Variants in TEX11 observed in about 807,000 individuals in gnomAD.
The protein encoded by TEX11 is testis-expressed protein 11.
TEX11 carries 7 observed loss-of-function variants against 84.4 expected under a neutral mutation model. That is an observed-to-expected ratio of 0.08 (90% CI 0.05 to 0.16). The LOEUF is 0.16. Ranked by LOEUF, TEX11 falls within the 10% of genes least tolerant of loss-of-function variation. The pLI, the probability that TEX11 is intolerant of heterozygous loss-of-function variation, is 1.00. For synonymous variants in TEX11, 264 were observed against 222.8 expected, an observed-to-expected ratio of 1.18 and a Z score of -1.64; for missense variants, 551 against 660.5, an observed-to-expected ratio of 0.83 and a Z score of 1.82.
At chrX:70,694,860 C>T (rs1191261356) in intron 13 of TEX11, among the ~76,000 whole-genome samples, 2 of 111,045 alleles carry the variant, frequency 1.8e-5, no homozygotes, top group Admixed American at 1.9e-4. Context: ...GAGGCAAAAC[C>T]CAAGTGATAT....
Position 70,529,943 on chromosome X carries a change from T to C in TEX11, c.2577A>G (p.Gly859=), listed in dbSNP as rs780093583. ...LWLMVKSWNT[G]VLMFSRSKYA... ...ACTTGCTCCTGCTAAACATAAGTAC[T>C]CCGGTATTCCAGGACTTGACCATCA... Residue 859 remains glycine, a synonymous_variant, in exon 29 of 30, where the codon GGA becomes GGG. Transcript: ENST00000374333. 2 of 1,211,367 alleles carry C rather than the reference T, an allele frequency of 1.7e-6. No homozygotes were observed. The highest frequency in any genetic ancestry group is 4.3e-5 in the Admixed American group (2 of 46,012).
intron 11 of TEX11, among the ~76,000 whole-genome samples, chrX:70,726,877 A>T (rs1177297262): frequency 9.3e-6 from 1 of 107,427 alleles, no homozygotes; most frequent in Non-Finnish European, 1.9e-5. Flanking sequence ...TCTGTCTCCC[A>T]GGCTGGAGTG....
chrX:70,706,115 A>T (rs979066995), intron 13 of TEX11, among the ~76,000 whole-genome samples: 4 of 111,738 alleles, frequency 3.6e-5, no homozygotes, highest in East Asian at 2.8e-4. Flanking sequence ...ACACCATGGA[A>T]TACTATGCAG....
intron 9 of TEX11, among the ~76,000 whole-genome samples, chrX:70,788,971 T>TAG (rs1337790406): frequency 1.9e-3 from 35 of 18,854 alleles, no homozygotes; most frequent in Non-Finnish European, 2.3e-3. Flanking sequence ...TATATATATA[T>TAG]ATAGAGAGAG....
chrX:70,706,082 G>A (rs1275673597), intron 13 of TEX11, among the ~76,000 whole-genome samples: 1 of 111,447 alleles, frequency 9.0e-6, no homozygotes, highest in Non-Finnish European at 1.9e-5. Context: ...TGATAGACTG[G>A]ATTAAGAAAA....
intron 4 of TEX11, among the ~76,000 whole-genome samples, chrX:70,862,951 G>C (rs1225408232): frequency 9.1e-6 from 1 of 109,369 alleles, no homozygotes; most frequent in Non-Finnish European, 1.9e-5. Context: ...AGTTCGGACT[G>C]GGCAGAACTC....
intron 8 of TEX11, among the ~76,000 whole-genome samples, chrX:70,816,005 T>C (rs916493227): frequency 1.4e-4 from 16 of 111,557 alleles, no homozygotes; most frequent in African/African-American, 5.2e-4. Flanking sequence ...TGGTGATTTG[T>C]GAGATTTTGG....
At chrX:70,829,234 C>T (rs1404945057) in intron 8 of TEX11, among the ~76,000 whole-genome samples, 1 of 111,705 alleles carries the variant, frequency 9.0e-6, no homozygotes, top group Admixed American at 9.5e-5. Flanking sequence ...GTAATCCCAG[C>T]ACTTTGGGAG....
intron 24 of TEX11, among the ~76,000 whole-genome samples, chrX:70,595,535 A>G (rs987710484): frequency 1.8e-5 from 2 of 111,872 alleles, no homozygotes; most frequent in Admixed American, 9.6e-5. Context: ...TAGCATTTCT[A>G]TATCTCACTG....
At chrX:70,873,677 C>A (rs768716639) in intron 3 of TEX11, among the ~76,000 whole-genome samples, 4 of 112,109 alleles carry the variant, frequency 3.6e-5, no homozygotes, top group South Asian at 3.7e-4. Flanking sequence ...TTCATATATT[C>A]ATTAAGTTGT....
chrX:70,825,275 G>A (rs951622605), intron 8 of TEX11, among the ~76,000 whole-genome samples: 3 of 109,263 alleles, frequency 2.7e-5, no homozygotes, highest in African/African-American at 6.7e-5. Flanking sequence ...TCATGCCACC[G>A]CACTCCAGCC....
downstream of TEX11, among the ~76,000 whole-genome samples, chrX:70,528,185 AG>A (rs1327882912): frequency 8.9e-6 from 1 of 112,288 alleles, no homozygotes; most frequent in Non-Finnish European, 1.9e-5. Flanking sequence ...GGCATCTCCA[AG>A]GGGCATCTGT....
chrX:70,576,102 C>T (rs1339011000), intron 25 of TEX11, among the ~76,000 whole-genome samples: 1 of 112,029 alleles, frequency 8.9e-6, no homozygotes, highest in East Asian at 2.8e-4. Context: ...TGGTGAGCTG[C>T]TTTCCTTAGG....
intron 17 of TEX11, among the ~76,000 whole-genome samples, chrX:70,644,934 A>T (rs894354309): frequency 1.7e-3 from 188 of 108,516 alleles, no homozygotes; most frequent in African/African-American, 4.7e-3. Flanking sequence ...AAAAAAATTA[A>T]AAAAAGATAA....
intron 11 of TEX11, among the ~76,000 whole-genome samples, chrX:70,727,542 G>A (rs2090608763): frequency 8.9e-6 from 1 of 111,985 alleles, no homozygotes; most frequent in African/African-American, 3.2e-5. Context: ...ATTTTGTGCA[G>A]TAATTCCCTT....
intron 17 of TEX11, among the ~76,000 whole-genome samples, chrX:70,646,152 C>G (rs768963894): frequency 2.7e-5 from 3 of 111,837 alleles, no homozygotes; most frequent in Admixed American, 9.5e-5. Context: ...ATAAAGGTGT[C>G]AAGAACACAC....
intron 7 of TEX11, among the ~76,000 whole-genome samples, chrX:70,849,846 C>T (rs2091498346): frequency 8.9e-6 from 1 of 111,915 alleles, no homozygotes; most frequent in Non-Finnish European, 1.9e-5. Flanking sequence ...ATTTAGATAT[C>T]AACATCCACC....
At chrX:70,891,973 C>T (rs998406397) in intron 2 of TEX11, among the ~76,000 whole-genome samples, 10 of 111,307 alleles carry the variant, frequency 9.0e-5, no homozygotes, top group Non-Finnish European at 1.9e-4. Context: ...ATGTTAAGGG[C>T]AGCCAGAGAG....
intron 25 of TEX11, among the ~76,000 whole-genome samples, chrX:70,559,397 T>C (rs2088332590): frequency 8.9e-6 from 1 of 112,197 alleles, no homozygotes; most frequent in Non-Finnish European, 1.9e-5. Flanking sequence ...TTAGTGGTTG[T>C]TCAGGGCTTG....
Sources: gnomAD v4.1 joint callset for allele counts (sites outside exome capture counted in the v4.1 genomes callset) on GRCh38, gnomAD v4.1.1 for gene constraint, MANE v1.5 for transcripts, NCBI Gene and HGNC (gene_info 2026-07-23, HGNC 2026-07-21) for gene names.